SYCP2L: variants seen among roughly 807,000 people sequenced by gnomAD.
SYCP2L encodes synaptonemal complex protein 2-like.
Under a neutral mutation model 125.8 loss-of-function variants are expected in SYCP2L, and 98 were observed. The ratio of observed to expected loss-of-function variants is 0.78; its 90% CI spans 0.66 to 0.92. The LOEUF is 0.92. Among genes scored for constraint, SYCP2L ranks in the 40% least tolerant of loss-of-function variants. SYCP2L has a pLI of 0.00. For missense variants in SYCP2L, 842 were observed against 936.4 expected, an observed-to-expected ratio of 0.90 and a Z score of 1.32; for synonymous variants, 317 against 325.4, an observed-to-expected ratio of 0.97 and a Z score of 0.28.
intron 6 of SYCP2L, among the ~76,000 whole-genome samples, chr6:10,899,402 T>C (rs4713020): frequency 0.59 from 90,198 of 151,798 alleles, 27,175 homozygotes; most frequent in East Asian, 0.81. Flanking sequence ...TAAAAAATTA[T>C]TGGGGTGTGG....
chr6:10,924,741 C>T lies in SYCP2L; in HGVS notation c.1218+100C>T, dbSNP rs564819755. 7 of 1,147,822 alleles carry T rather than the reference C, an allele frequency of 6.1e-6. No individual in the cohort carries two copies. In the East Asian group the frequency reaches 2.1e-4, roughly 35 times the overall value. The allele number at this position is 1,147,822 out of a possible 1,614,324, so 71.1% of individuals were successfully genotyped here. A position where few individuals can be genotyped will look rare whatever the true frequency, so the allele number is the denominator to read the frequency against. ...GTTTTGATGTGAATATTTGATAAAG[C>T]AGAAAACCTGGTCTTTCAAATGCCA... On this transcript the variant is annotated intron_variant, in intron 15 of 29. Transcript: ENST00000283141.
In SYCP2L at chr6:10,893,980, C is replaced by T; in HGVS notation, c.192C>T (p.Tyr64=). The change falls in exon 3 of 30, where the codon TAC becomes TAT. Residue 64 remains tyrosine (Y), a synonymous_variant. Transcript: ENST00000283141. ...FPQKYNRLLL[Y]RLDRSINKEL... is the part of the protein sequence containing the mutation. Reference sequence around the variant, plus strand: ...AAAAATATAATCGTCTTCTATTATACCGTCTTGACAGATCAATAAATAAGG... The same window carrying T: ...AAAAATATAATCGTCTTCTATTATATCGTCTTGACAGATCAATAAATAAGG... The T allele has an allele frequency of 6.2e-7, 1 of 1,606,838 alleles. No individual in the cohort carries two copies. Among genetic ancestry groups the T allele is most frequent in the South Asian group, 1.1e-5 (1 of 88,498 alleles).
chr6:10,897,967 C>A (rs1780287200), intron 4 of SYCP2L, 44 bp from the exon 5 acceptor site: 3 of 1,205,362 alleles, frequency 2.5e-6, no homozygotes, highest in Non-Finnish European at 3.7e-6. Context: ...ATTGAATAGG[C>A]AGCATTTAGT....
At chr6:10,892,122 T>C (rs1053411675) in intron 2 of SYCP2L, among the ~76,000 whole-genome samples, 2 of 152,068 alleles carry the variant, frequency 1.3e-5, no homozygotes, top group African/African-American at 4.8e-5. Context: ...TGGAAAGTGG[T>C]GGGGTGAAGT....
chr6:10,937,867 GA>G (rs1351988976), intron 21 of SYCP2L, among the ~76,000 whole-genome samples: 1 of 152,038 alleles, frequency 6.6e-6, no homozygotes, highest in Non-Finnish European at 1.5e-5. Context: ...TGAATATAAA[GA>G]AATAGAAAAG....
At chr6:10,925,160 G>A (rs57712932) in intron 15 of SYCP2L, among the ~76,000 whole-genome samples, 3,486 of 152,274 alleles carry the variant, frequency 0.023, 130 homozygotes, top group African/African-American at 0.08. Flanking sequence ...ATGGCGGCAG[G>A]CAAGAGAGTA....
chr6:10,902,851 GA>G, intron 7 of SYCP2L, 23 bp from the exon 8 acceptor site: 1 of 1,613,198 alleles, frequency 6.2e-7, no homozygotes, highest in Non-Finnish European at 8.5e-7. Flanking sequence ...TCTTCTCCAT[GA>G]ATGTCTTCTC....
At chr6:10,908,012 C>G (rs1780532126) in intron 10 of SYCP2L, among the ~76,000 whole-genome samples, 1 of 150,670 alleles carries the variant, frequency 6.6e-6, no homozygotes, top group African/African-American at 2.4e-5. Context: ...CCTCAGCATC[C>G]CAAGTAGCTG....
chr6:10,890,219 A>C (rs1483664460), intron 1 of SYCP2L, among the ~76,000 whole-genome samples: 2 of 152,144 alleles, frequency 1.3e-5, no homozygotes, highest in Admixed American at 6.5e-5. Flanking sequence ...TTTCTTTTGG[A>C]TATATCTCCA....
intron 28 of SYCP2L, among the ~76,000 whole-genome samples, chr6:10,962,003 A>C (rs1781601619): frequency 1.3e-5 from 2 of 152,150 alleles, no homozygotes; most frequent in Non-Finnish European, 2.9e-5. Flanking sequence ...GGCTCCCTGC[A>C]CTGTAATTCA....
intron 23 of SYCP2L, among the ~76,000 whole-genome samples, chr6:10,949,180 C>T (rs948740054): frequency 5.3e-5 from 8 of 151,856 alleles, no homozygotes; most frequent in Non-Finnish European, 7.4e-5. Flanking sequence ...TATATCTTTA[C>T]GTTTATTCTG....
At chr6:10,924,714 G>C in intron 15 of SYCP2L, 73 bp downstream of exon 15, 1 of 1,276,568 alleles carries the variant, frequency 7.8e-7, no homozygotes. Flanking sequence ...TGTCCTTGTT[G>C]GGTTTTGATG....
At chr6:10,915,554 CT>C (rs1780679485) in intron 14 of SYCP2L, among the ~76,000 whole-genome samples, 2 of 152,154 alleles carry the variant, frequency 1.3e-5, no homozygotes, top group African/African-American at 4.8e-5. Context: ...TTGTCGAATG[CT>C]TTTTCTGCAT....
chr6:10,926,239 A>G, intron 15 of SYCP2L, 100 bp from the exon 16 acceptor site: 2 of 849,802 alleles, frequency 2.4e-6, no homozygotes, highest in South Asian at 3.2e-5. Flanking sequence ...CTAACTTCTG[A>G]TTTATCAGTG....
intron 23 of SYCP2L, among the ~76,000 whole-genome samples, chr6:10,951,782 G>C (rs1052718169): frequency 6.6e-6 from 1 of 152,132 alleles, no homozygotes; most frequent in African/African-American, 2.4e-5. Context: ...TCAGAGCAAG[G>C]TTTCAAAAAA....
intron 4 of SYCP2L, 29 bp from the exon 5 acceptor site, chr6:10,897,982 T>A (rs760329474): frequency 7.0e-7 from 1 of 1,420,122 alleles, no homozygotes; most frequent in African/African-American, 1.4e-5. Context: ...TTTAGTCTTA[T>A]GTAGTTACGT....
chr6:10,938,144 G>A (rs1045079674), intron 21 of SYCP2L, among the ~76,000 whole-genome samples: 2 of 152,118 alleles, frequency 1.3e-5, no homozygotes, highest in African/African-American at 4.8e-5. Context: ...TCTGATGAAC[G>A]TATATGTAAA....
chr6:10,943,315 G>A (rs551976914), intron 23 of SYCP2L, among the ~76,000 whole-genome samples: 8 of 151,848 alleles, frequency 5.3e-5, no homozygotes, highest in African/African-American at 9.7e-5. Flanking sequence ...ATTACGTATC[G>A]AAAGGATTCA....
chr6:10,959,812 T>A (rs1054052245), intron 26 of SYCP2L, among the ~76,000 whole-genome samples: 1 of 147,908 alleles, frequency 6.8e-6, no homozygotes, highest in Non-Finnish European at 1.5e-5. Flanking sequence ...GAGGTTGCGG[T>A]GAGCTGAGAT....
Sources: gnomAD v4.1 joint callset for allele counts (sites outside exome capture counted in the v4.1 genomes callset) on GRCh38, gnomAD v4.1.1 for gene constraint, MANE v1.5 for transcripts, NCBI Gene and HGNC (gene_info 2026-07-23, HGNC 2026-07-21) for gene names.